Variants in CFAP91 observed in about 807,000 individuals in gnomAD.
CFAP91 encodes cilia- and flagella-associated protein 91.
Under a neutral mutation model 95.9 loss-of-function variants are expected in CFAP91, and 85 were observed. The ratio of observed to expected loss-of-function variants is 0.89; its 90% confidence interval spans 0.74 to 1.06. CFAP91 has a LOEUF of 1.06. CFAP91 is among the 50% of genes least tolerant of loss of function. The probability of loss-of-function intolerance (pLI) is 0.00; values close to 1 mark genes in which losing one functional copy is unlikely to be tolerated. For synonymous variants in CFAP91, 335 were observed against 327.5 expected (o/e 1.02, Z -0.25); for missense variants, 962 against 943.4 (o/e 1.02, Z -0.26).
intron 6 of CFAP91, among the ~76,000 whole-genome samples, chr3:119,721,354 A>G (rs1003624311): frequency 1.3e-5 from 2 of 152,240 alleles, no homozygotes; most frequent in African/African-American, 2.4e-5. Context: ...AGGAATATCT[A>G]CCACAGCCTG....
intron 1 of CFAP91, among the ~76,000 whole-genome samples, chr3:119,704,498 G>T (rs2053323474): frequency 6.6e-6 from 1 of 152,024 alleles, no homozygotes; most frequent in Non-Finnish European, 1.5e-5. Flanking sequence ...CCTTGTTAGG[G>T]TTGCCACATT....
At chr3:119,758,234 C>CT (rs1209175643) in intron 17 of CFAP91, among the ~76,000 whole-genome samples, 1 of 152,144 alleles carries the variant, frequency 6.6e-6, no homozygotes, top group African/African-American at 2.4e-5. Flanking sequence ...TTACAGAACA[C>CT]TGAATGGCTT....
At chr3:119,751,964 A>G (rs988337314) in intron 17 of CFAP91, among the ~76,000 whole-genome samples, 1 of 152,232 alleles carries the variant, frequency 6.6e-6, no homozygotes, top group Non-Finnish European at 1.5e-5. Context: ...GAATTTACCA[A>G]TCAGGGGTCA....
intron 14 of CFAP91, among the ~76,000 whole-genome samples, chr3:119,744,484 G>A (rs561903438): frequency 6.6e-6 from 1 of 152,326 alleles, no homozygotes; most frequent in South Asian, 2.1e-4. Flanking sequence ...TTTTAAGCCA[G>A]TTACTTCACT....
At chr3:119,720,246 AATT>A (rs2053656184) in intron 6 of CFAP91, among the ~76,000 whole-genome samples, 1 of 150,234 alleles carries the variant, frequency 6.7e-6, no homozygotes, top group African/African-American at 2.4e-5. Flanking sequence ...AAAAAAAAAA[AATT>A]AGCTGGGCGC....
At chr3:119,709,456 T>C (rs1470389584) in intron 4 of CFAP91, among the ~76,000 whole-genome samples, 2 of 152,236 alleles carry the variant, frequency 1.3e-5, no homozygotes, top group East Asian at 3.8e-4. Flanking sequence ...TCACTGTGAA[T>C]TCCAGAATGT....
At chr3:119,724,949 A>C (rs1257155478) in intron 6 of CFAP91, among the ~76,000 whole-genome samples, 1 of 152,176 alleles carries the variant, frequency 6.6e-6, no homozygotes, top group African/African-American at 2.4e-5. Context: ...TAGTGAATTC[A>C]TATATTACTT....
chr3:119,733,464 G>A lies in CFAP91; in HGVS notation c.1302G>A (p.Lys434=), dbSNP rs2053941475. 6.2e-7 allele frequency: 1 copy of A among 1,614,008 alleles called. No homozygotes were observed. The highest frequency in any genetic ancestry group is 8.5e-7 in the Non-Finnish European group (1 of 1,179,992). The part of the protein sequence containing the change: ...KVITTKAGFL[K]RAARLDYELA... Reference sequence around the variant, plus strand: ...TTACCACCAAAGCTGGTTTTCTGAAGAGGGCAGCAAGGTTGGACTATGAGT... The same window carrying A: ...TTACCACCAAAGCTGGTTTTCTGAAAAGGGCAGCAAGGTTGGACTATGAGT... The change falls in exon 10 of 18, where the codon AAG becomes AAA. Residue 434 remains lysine, a synonymous_variant. Transcript: ENST00000273390.
chr3:119,747,701 A>G (rs2054250283), intron 15 of CFAP91, 110 bp from the exon 16 acceptor site: 2 of 846,484 alleles, frequency 2.4e-6, no homozygotes, highest in Non-Finnish European at 3.6e-6. Context: ...TAATCAAGGA[A>G]AAGGTGATGG....
At chr3:119,745,085 A>G (rs2054196199) in intron 14 of CFAP91, among the ~76,000 whole-genome samples, 1 of 152,218 alleles carries the variant, frequency 6.6e-6, no homozygotes, top group Non-Finnish European at 1.5e-5. Flanking sequence ...CTGTCTAGCA[A>G]GGGCAAGAAA....
intron 6 of CFAP91, among the ~76,000 whole-genome samples, chr3:119,720,576 G>A (rs2053665716): frequency 6.6e-6 from 1 of 152,110 alleles, no homozygotes; most frequent in Non-Finnish European, 1.5e-5. Flanking sequence ...AGTTTTACAG[G>A]TAAGTTTACC....
chr3:119,727,026 T>C (rs1445631340), intron 7 of CFAP91, among the ~76,000 whole-genome samples: 1 of 151,996 alleles, frequency 6.6e-6, no homozygotes, highest in African/African-American at 2.4e-5. Flanking sequence ...AGTAATGGAG[T>C]TGTTGCTGAT....
At chr3:119,758,005 C>T (rs1258116060) in intron 17 of CFAP91, among the ~76,000 whole-genome samples, 1 of 152,078 alleles carries the variant, frequency 6.6e-6, no homozygotes, top group East Asian at 1.9e-4. Flanking sequence ...ATTGACACTT[C>T]TATAATTTTT....
At chr3:119,760,873 G>T (rs1022830651) in intron 17 of CFAP91, among the ~76,000 whole-genome samples, 3 of 151,440 alleles carry the variant, frequency 2.0e-5, no homozygotes, top group Admixed American at 6.6e-5. Context: ...TGCAACAAAA[G>T]CAGTTCTAAG....
intron 6 of CFAP91, among the ~76,000 whole-genome samples, chr3:119,722,456 C>CAA (rs201656889): frequency 6.6e-6 from 1 of 150,736 alleles, no homozygotes; most frequent in Non-Finnish European, 1.5e-5. Flanking sequence ...AAGACTCTGC[C>CAA]AAAAAAAAGA....
chr3:119,706,553 C>T (rs2053367823), intron 1 of CFAP91: 3 of 437,172 alleles, frequency 6.9e-6, no homozygotes, highest in Non-Finnish European at 1.2e-5. Flanking sequence ...ACATGCTAGA[C>T]TTTCTTTATG....
chr3:119,726,432 A>C, intron 7 of CFAP91, 84 bp downstream of exon 7: 3 of 1,314,860 alleles, frequency 2.3e-6, no homozygotes, highest in Non-Finnish European at 3.1e-6. Flanking sequence ...ATTCTCCCAA[A>C]TGTATGGGTT....
intron 17 of CFAP91, among the ~76,000 whole-genome samples, chr3:119,759,687 A>G (rs1361092853): frequency 6.6e-6 from 1 of 152,032 alleles, no homozygotes; most frequent in Non-Finnish European, 1.5e-5. Context: ...ATAATTTGTT[A>G]AGGGATACAC....
chr3:119,724,327 A>T (rs1471465882), intron 6 of CFAP91, among the ~76,000 whole-genome samples: 1 of 152,140 alleles, frequency 6.6e-6, no homozygotes. Context: ...GAAATGGGAG[A>T]AGGGAATGGG....
Sources: allele counts gnomAD v4.1 joint callset (sites outside exome capture counted in the v4.1 genomes callset), GRCh38; gene constraint gnomAD v4.1.1; transcripts MANE v1.5; gene names NCBI Gene and HGNC (gene_info 2026-07-23, HGNC 2026-07-21).